The following EPHA7 variants were observed in gnomAD, a reference collection of about 807,000 sequenced individuals.
EPHA7 encodes the protein EPH receptor A7, also known as ephrin type-A receptor 7.
In EPHA7, 25 loss-of-function variants were observed where a neutral mutation model predicts 112.6. The ratio of observed to expected loss-of-function variants is 0.22; its 90% CI spans 0.16 to 0.31. The LOEUF is 0.31. Ranked by LOEUF, EPHA7 falls within the 10% of genes least tolerant of loss-of-function variation. EPHA7 has a pLI of 1.00. For missense variants in EPHA7, 962 were observed against 1,212.6 expected (o/e 0.79, Z 3.07); for synonymous variants, 437 against 406.5 (o/e 1.07, Z -0.90).
In EPHA7 at chr6:93,258,244, T is replaced by G; in HGVS notation, c.1965A>C (p.Pro655=). The G allele has an allele frequency of 1.2e-6, 2 of 1,611,268 alleles. No individual in the cohort carries two copies. Among genetic ancestry groups the G allele is most frequent in the Non-Finnish European group, 1.7e-6 (2 of 1,178,520 alleles). The change falls in exon 11 of 17, where the codon CCA becomes CCC. Residue 655 remains proline (P), a synonymous_variant. Coordinates refer to ENST00000369303, the MANE Select transcript of EPHA7 (RefSeq NM_004440.4). ...TGGCTACTGCAACATCTCTTTTCCC[T>G]GGAAGTTTCAAACGGCCACTGCAGA... ...GEVCSGRLKL[P]GKRDVAVAIK... is the part of the protein sequence containing the mutation.
chr6:93,394,142 C>G (rs3799802), intron 3 of EPHA7, among the ~76,000 whole-genome samples: 14,596 of 151,800 alleles, frequency 0.096, 880 homozygotes, highest in East Asian at 0.21. Context: ...CCACAACCAC[C>G]ATTACAACTA....
intron 1 of EPHA7, among the ~76,000 whole-genome samples, chr6:93,418,517 C>T (rs950730721): frequency 3.9e-5 from 6 of 152,232 alleles, no homozygotes; most frequent in South Asian, 2.1e-4. Flanking sequence ...CCTGCCTCCA[C>T]GGCCCGACCA....
intron 5 of EPHA7, among the ~76,000 whole-genome samples, chr6:93,283,254 C>T (rs1157344325): frequency 1.3e-5 from 2 of 152,126 alleles, no homozygotes; most frequent in Non-Finnish European, 2.9e-5. Flanking sequence ...ACATGGAGAA[C>T]TTTTGTGTCT....
intron 3 of EPHA7, among the ~76,000 whole-genome samples, chr6:93,373,796 A>AT (rs1776918694): frequency 6.6e-6 from 1 of 151,814 alleles, no homozygotes; most frequent in Non-Finnish European, 1.5e-5. Context: ...CAAGCTTAAC[A>AT]TAAGTGTGCC....
At chr6:93,312,425 G>A (rs1437800876) in intron 5 of EPHA7, among the ~76,000 whole-genome samples, 5 of 151,266 alleles carry the variant, frequency 3.3e-5, no homozygotes, top group Admixed American at 2.0e-4. Context: ...TAAGTCTCAC[G>A]AACCTACCCT....
intron 3 of EPHA7, among the ~76,000 whole-genome samples, chr6:93,404,927 A>G (rs1012296895): frequency 5.3e-5 from 8 of 152,060 alleles, no homozygotes; most frequent in Middle Eastern, 6.8e-3. Flanking sequence ...TACTACTGCT[A>G]TAGTACCTGA....
At chr6:93,322,414 G>GT (rs897941923) in intron 5 of EPHA7, among the ~76,000 whole-genome samples, 15 of 151,252 alleles carry the variant, frequency 9.9e-5, no homozygotes, top group African/African-American at 3.6e-4. Flanking sequence ...TTTTTGTCTT[G>GT]TTTTATAAAA....
chr6:93,356,758 T>C lies in EPHA7; in HGVS notation c.1283A>G (p.Gln428Arg), dbSNP rs149093618. The C allele has an allele frequency of 3.1e-6, 5 of 1,613,890 alleles. No homozygotes were observed. Among genetic ancestry groups the C allele is most frequent in the Non-Finnish European group, 4.2e-6 (5 of 1,179,864 alleles). ...GATACTGACAGCAGCAAAGAGCCTC[T>C]GGGATCGGCTTAAGTCAGAAACTCC... The part of the protein sequence containing the change: ...VNGVSDLSRS[Q>R]RLFAAVSITT... Residue 428 changes from glutamine (Q) to arginine (R), a missense_variant, in exon 5 of 17, where the codon CAG (glutamine) becomes CGG (arginine). Gln to Arg is a conservative substitution (Grantham distance 43, BLOSUM62 1). Coordinates refer to ENST00000369303, the MANE Select transcript of EPHA7 (RefSeq NM_004440.4).
chr6:93,246,719 G>T (rs2127846618), intron 15 of EPHA7, 73 bp downstream of exon 15: 1 of 1,269,922 alleles, frequency 7.9e-7, no homozygotes, highest in Non-Finnish European at 1.1e-6. Context: ...CATTGTGGTG[G>T]GGTGGAGGAG....
intron 3 of EPHA7, among the ~76,000 whole-genome samples, chr6:93,405,850 T>TATATATATATATATAA (rs1469158388): frequency 1.6e-5 from 2 of 121,340 alleles, no homozygotes; most frequent in African/African-American, 2.9e-5. Context: ...TATATATATA[T>TATATATATATATATAA]AAATGATTAT....
chr6:93,309,096 G>A (rs1010398053), intron 5 of EPHA7, among the ~76,000 whole-genome samples: 1 of 152,088 alleles, frequency 6.6e-6, no homozygotes, highest in Non-Finnish European at 1.5e-5. Context: ...TTACAGGCAT[G>A]TGTCACCATG....
chr6:93,359,391 A>G (rs1039403440), intron 3 of EPHA7, among the ~76,000 whole-genome samples: 1 of 149,984 alleles, frequency 6.7e-6, no homozygotes, highest in African/African-American at 2.4e-5. Flanking sequence ...TATTGAAGAC[A>G]TTCAATCTAT....
intron 14 of EPHA7, among the ~76,000 whole-genome samples, chr6:93,252,378 G>A (rs1389567322): frequency 6.6e-6 from 1 of 151,706 alleles, no homozygotes; most frequent in African/African-American, 2.4e-5. Flanking sequence ...AATCCATCTA[G>A]GCTAATTAAA....
intron 8 of EPHA7, among the ~76,000 whole-genome samples, 166 bp downstream of exon 8, chr6:93,264,428 T>C (rs1770832378): frequency 6.6e-6 from 1 of 151,646 alleles, no homozygotes; most frequent in Admixed American, 6.6e-5. Context: ...AAACTCATAT[T>C]CCATTTTGAT....
chr6:93,263,134 A>C (rs148003622), intron 9 of EPHA7, among the ~76,000 whole-genome samples: 179 of 151,466 alleles, frequency 1.2e-3, no homozygotes, highest in African/African-American at 4.2e-3. Context: ...ATCATCAACT[A>C]TCATAACTGA....
chr6:93,257,951 GA>G, intron 11 of EPHA7, 147 bp downstream of exon 11: 1 of 717,328 alleles, frequency 1.4e-6, no homozygotes, highest in Admixed American at 3.4e-5. Flanking sequence ...TAACATAAAG[GA>G]AGAATTTTTT....
chr6:93,416,836 C>A (rs981885650), intron 1 of EPHA7, among the ~76,000 whole-genome samples: 2 of 151,840 alleles, frequency 1.3e-5, no homozygotes, highest in Non-Finnish European at 2.9e-5. Flanking sequence ...ACCCAGGCAA[C>A]GACCGCGCGG....
intron 5 of EPHA7, among the ~76,000 whole-genome samples, chr6:93,297,559 C>G (rs1772736297): frequency 6.6e-6 from 1 of 152,110 alleles, no homozygotes; most frequent in Non-Finnish European, 1.5e-5. Context: ...TTTAGTTCTA[C>G]TATCCCTGAG....
chr6:93,402,732 TG>T (rs1229820304), intron 3 of EPHA7, among the ~76,000 whole-genome samples: 1 of 152,044 alleles, frequency 6.6e-6, no homozygotes, highest in Non-Finnish European at 1.5e-5. Context: ...TGTTATTTTT[TG>T]TTTTGCAATC....
Sources: allele counts gnomAD v4.1 joint callset (sites outside exome capture counted in the v4.1 genomes callset), GRCh38; gene constraint gnomAD v4.1.1; transcripts MANE v1.5; gene names NCBI Gene and HGNC (gene_info 2026-07-23, HGNC 2026-07-21).